The following CLCC1 variants were observed in gnomAD, a reference collection of about 807,000 sequenced individuals.
CLCC1 encodes the protein chloride channel CLIC-like protein 1.
Under a neutral mutation model 63.3 loss-of-function variants are expected in CLCC1, and 39 were observed. The observed-to-expected ratio is 0.62, with a 90% confidence interval of 0.48 to 0.81. The LOEUF is 0.81. Ranked by LOEUF, CLCC1 falls within the 30% of genes least tolerant of loss-of-function variation. CLCC1 has a pLI of 0.00. For missense variants in CLCC1, 549 were observed against 669.4 expected (o/e 0.82, Z 1.98); for synonymous variants, 217 against 239.8 (o/e 0.90, Z 0.88).
intron 5 of CLCC1, among the ~76,000 whole-genome samples, chr1:108,945,614 T>A (rs1271374864): frequency 6.6e-6 from 1 of 152,182 alleles, no homozygotes; most frequent in East Asian, 1.9e-4. Context: ...AGAATGAGGA[T>A]CAACTGTGCA....
intron 2 of CLCC1, among the ~76,000 whole-genome samples, chr1:108,953,311 G>A (rs1333898880): frequency 1.3e-5 from 2 of 152,212 alleles, no homozygotes; most frequent in African/African-American, 2.4e-5. Flanking sequence ...TTATCGGTCT[G>A]TCTCTTCCAT....
intron 5 of CLCC1, among the ~76,000 whole-genome samples, chr1:108,945,572 A>G (rs1275340187): frequency 6.6e-6 from 1 of 152,196 alleles, no homozygotes; most frequent in Non-Finnish European, 1.5e-5. Flanking sequence ...CACAGACTTA[A>G]TGAGGTCAAT....
chr1:108,955,092 G>A (rs1193700899), intron 2 of CLCC1, among the ~76,000 whole-genome samples: 4 of 150,718 alleles, frequency 2.7e-5, no homozygotes, highest in Admixed American at 2.0e-4. Flanking sequence ...TGATCCACCC[G>A]CCTTGGCCTC....
intron 1 of CLCC1, 59 bp downstream of exon 1, chr1:108,963,302 C>T: frequency 1.5e-6 from 1 of 686,110 alleles, no homozygotes; most frequent in South Asian, 1.5e-5. Context: ...CCCGCCAGGG[C>T]GTAACGGCGG....
chr1:108,941,113 C>G lies in CLCC1; in HGVS notation c.796+292G>C, dbSNP rs147172032. Among the ~76,000 whole-genome samples the G allele has an allele frequency of 9.1e-4, 139 of 152,244 alleles. 1 individual carries two copies. The highest frequency in any genetic ancestry group is 8.3e-3 in the East Asian group (43 of 5,186). ...ACTTCTATTGAGAATATGCCAGACC[C>G]TGTGCAAAGAACGAGATGAACAAAA... On this transcript the variant is annotated intron_variant, in intron 8 of 12. Transcript: ENST00000369969.
intron 4 of CLCC1, among the ~76,000 whole-genome samples, chr1:108,948,650 G>GAAAAA (rs61417692): frequency 7.2e-6 from 1 of 138,076 alleles, no homozygotes; most frequent in African/African-American, 2.6e-5. Context: ...AACAACTTAG[G>GAAAAA]AAAAAAAAAA....
chr1:108,953,022 T>C (rs545434355), intron 2 of CLCC1, among the ~76,000 whole-genome samples: 2 of 152,290 alleles, frequency 1.3e-5, no homozygotes, highest in South Asian at 2.1e-4. Context: ...AAGCACTCAA[T>C]AGTCACATAT....
intron 9 of CLCC1, 31 bp downstream of exon 9, chr1:108,940,014 T>C (rs770110408): frequency 6.6e-7 from 1 of 1,514,442 alleles, no homozygotes; most frequent in East Asian, 2.3e-5. Flanking sequence ...CTGACTGACT[T>C]TAAGTAATTT....
intron 10 of CLCC1, among the ~76,000 whole-genome samples, chr1:108,938,627 G>A (rs1179228429): frequency 1.3e-5 from 2 of 152,096 alleles, no homozygotes; most frequent in African/African-American, 4.8e-5. Flanking sequence ...ACCATGGAGG[G>A]ATGACGAGTA....
chr1:108,940,070 G>A lies in CLCC1; in HGVS notation c.869C>T (p.Pro290Leu), dbSNP rs1653639981. The change falls in exon 9 of 13, where the codon CCT (proline) becomes CTT (leucine). Residue 290 changes from proline (P) to leucine (L), a missense_variant. Coordinates refer to ENST00000369969, the MANE Select transcript of CLCC1 (RefSeq NM_001377458.1). Reference protein sequence around the residue: ...QKYYELLLVNPIWLVPPTKAL... With the variant: ...QKYYELLLVNLIWLVPPTKAL... ...CTTTGTTGGTGGGACCAACCAAATA[G>A]GGTTGACTAGTAAGAGCTCATAGTA... The A allele has an allele frequency of 6.2e-7, 1 of 1,613,404 alleles. No homozygotes were observed. Among genetic ancestry groups the A allele is most frequent in the African/African-American group, 1.3e-5 (1 of 75,030 alleles).
intron 11 of CLCC1, among the ~76,000 whole-genome samples, chr1:108,936,085 GT>G (rs530980387): frequency 0.015 from 1,292 of 88,186 alleles, 4 homozygotes; most frequent in African/African-American, 0.04. Flanking sequence ...ATCTTAAGTT[GT>G]TTTTTTTTTT....
rs1401069950 is a variant in CLCC1 at position 108,932,384 on chromosome 1, C to T, written c.*163G>A. 6.6e-6 allele frequency: 1 copy of T among 152,124 alleles called. No individual in the cohort carries two copies. The highest frequency in any genetic ancestry group is 1.5e-5 in the Non-Finnish European group (1 of 68,026). The allele number at this position is 152,124 out of a possible 1,614,324, so 9.4% of individuals were successfully genotyped here. On this transcript the variant is annotated 3_prime_UTR_variant, in exon 13 of 13. Transcript: ENST00000369969. ...CTCATCTCTTTTCTGATAACAAACA[C>T]CCGATGTGTTCAATTTGCTTTCATA...
chr1:108,961,074 C>T (rs1342223982), intron 2 of CLCC1, among the ~76,000 whole-genome samples: 2 of 152,026 alleles, frequency 1.3e-5, no homozygotes, highest in Non-Finnish European at 2.9e-5. Context: ...ACCAGCAGTT[C>T]CATAGATTTC....
intron 11 of CLCC1, 75 bp from the exon 12 acceptor site, chr1:108,935,017 T>C (rs1652671496): frequency 7.0e-7 from 1 of 1,437,858 alleles, no homozygotes; most frequent in African/African-American, 1.4e-5. Flanking sequence ...TCTAAAAAGT[T>C]CCCACCCAAA....
rs201835218 is a variant in CLCC1, at chr1:108,941,460, C to T, written c.741G>A (p.Met247Ile). ...FAQHQAEVAKMEPLNNVCAKK... is the reference protein window; with the variant it reads ...FAQHQAEVAKIEPLNNVCAKK... ...TGGCACACACATTGTTTAATGGCTC[C>T]ATCTTGGCGACTTCAGCCTGATGCT... Residue 247 changes from methionine (M) to isoleucine (I), a missense_variant, in exon 8 of 13, where the codon ATG becomes ATA. Transcript: ENST00000369969. 6.4e-5 allele frequency: 103 copies of T among 1,614,134 alleles called. No homozygotes were observed. Among genetic ancestry groups the T allele is most frequent in the African/African-American group, 4.0e-5 (3 of 75,006 alleles).
At chr1:108,960,082 C>T (rs542056002) in intron 2 of CLCC1, among the ~76,000 whole-genome samples, 5 of 152,052 alleles carry the variant, frequency 3.3e-5, no homozygotes, top group South Asian at 2.1e-4. Flanking sequence ...TGCACTGAGC[C>T]GAGATCACGC....
At position 108,934,961 on chromosome 1, in the gene CLCC1, C is replaced by T. The variant is rs748483744; in HGVS notation, c.1384-19G>A. ...ATTTATGCTATAAAGTACAAAATTA[C>T]ATTTTAACTGTTTAATGTAATGTGA... On this transcript the variant is annotated intron_variant, in intron 11 of 12. Transcript: ENST00000369969. 1.9e-6 allele frequency: 3 copies of T among 1,575,528 alleles called. No homozygotes were observed. The East Asian group carries it at 6.8e-5, about 35-fold the overall frequency.
intron 11 of CLCC1, among the ~76,000 whole-genome samples, chr1:108,935,761 C>T (rs936404852): frequency 1.3e-5 from 2 of 151,722 alleles, no homozygotes; most frequent in African/African-American, 4.9e-5. Flanking sequence ...ACCTTGTCTC[C>T]AAAAATAATA....
At chr1:108,936,080 A>C (rs760905712) in intron 11 of CLCC1, among the ~76,000 whole-genome samples, 1 of 145,586 alleles carries the variant, frequency 6.9e-6, no homozygotes, top group Non-Finnish European at 1.5e-5. Context: ...GGACCATCTT[A>C]AGTTGTTTTT....
Sources: gnomAD v4.1 joint callset for allele counts (sites outside exome capture counted in the v4.1 genomes callset) on GRCh38, gnomAD v4.1.1 for gene constraint, MANE v1.5 for transcripts, NCBI Gene and HGNC (gene_info 2026-07-23, HGNC 2026-07-21) for gene names.